The following NHLRC2 variants were observed in gnomAD, a reference collection of about 807,000 sequenced individuals.
The protein encoded by NHLRC2 is NHL repeat-containing protein 2.
Under a neutral mutation model 68.1 loss-of-function variants are expected in NHLRC2, and 33 were observed. That is an observed-to-expected ratio of 0.48 (90% CI 0.37 to 0.65). The LOEUF is 0.65. NHLRC2 is among the 30% of genes least tolerant of loss of function. The pLI is 0.00. For synonymous variants in NHLRC2, 311 were observed against 309.6 expected (o/e 1.00, Z -0.05); for missense variants, 761 against 853.8 (o/e 0.89, Z 1.35).
chr10:113,912,713 G>A lies in NHLRC2; in HGVS notation c.*4177G>A, dbSNP rs1846340855. On this transcript the variant is annotated 3_prime_UTR_variant, in exon 11 of 11. Transcript: ENST00000369301. ...TCAAATAACCTTATAAATCGGGCAG[G>A]TAGATGTTAGTTTACAGAGGAGGAG... 6.6e-6 allele frequency: 1 copy of A among 152,202 alleles called. No individual in the cohort carries two copies. The highest frequency in any genetic ancestry group is 6.5e-5 in the Admixed American group (1 of 15,278). 9.4% of individuals were successfully genotyped at this position (152,202 alleles called of 1,614,324 possible).
At position 113,902,629 on chromosome 10, in the gene NHLRC2, T is replaced by C. The variant is rs200395053; in HGVS notation, c.1494+36T>C. 656 of 1,580,440 alleles carry C rather than the reference T, an allele frequency of 4.2e-4. 3 individuals are homozygous for C. The highest frequency in any genetic ancestry group is 2.7e-3 in the Middle Eastern group (16 of 5,974). The stretch of plus-strand genomic sequence containing the variant: ...ACAGAATTATATAATATCTTGCTTT[T>C]TGTGTGTGGCATTTAAAATGCTGAA... On this transcript the variant is annotated intron_variant, in intron 8 of 10. Transcript: ENST00000369301.
intron 2 of NHLRC2, among the ~76,000 whole-genome samples, chr10:113,870,140 T>G (rs182858710): frequency 6.6e-6 from 1 of 152,176 alleles, no homozygotes; most frequent in Non-Finnish European, 1.5e-5. Flanking sequence ...CCTTCCCACT[T>G]CTCAGCTTCC....
chr10:113,888,478 C>CT lies in NHLRC2; in HGVS notation c.1039+4099dup, dbSNP rs200966630. Among the ~76,000 whole-genome samples the CT allele has an allele frequency of 2.0e-5, 3 of 152,068 alleles. No homozygotes were observed. The East Asian group carries it at 5.8e-4, about 29-fold the overall frequency. On this transcript the variant is annotated intron_variant, in intron 5 of 10. Transcript: ENST00000369301. ...ATTTGAAAAAGATGTAGGAAAGGGACTAGAAATATCTCATTATTTTAAATC... is the reference window on the plus strand; with the variant it reads ...ATTTGAAAAAGATGTAGGAAAGGGACTTAGAAATATCTCATTATTTTAAATC...
rs199985793 is a variant in NHLRC2, at chr10:113,876,587, A to C, written c.398A>C (p.Lys133Thr). The C allele has an allele frequency of 6.2e-7, 1 of 1,613,716 alleles. No individual in the cohort carries two copies. The highest frequency in any genetic ancestry group is 2.2e-5 in the East Asian group (1 of 44,868). The change falls in exon 3 of 11, where the codon AAG becomes ACG. Residue 133 changes from lysine to threonine, a missense_variant. Transcript: ENST00000369301. ...AATGAAAAAGTCCTGGATAACATTA[A>C]GAGTGCTGTTCTTCGATACAACATC... ...FPNEKVLDNI[K>T]SAVLRYNITH...
chr10:113,902,701 G>A lies in NHLRC2; in HGVS notation c.1494+108G>A, dbSNP rs1246414455. On this transcript the variant is annotated intron_variant, in intron 8 of 10. Coordinates refer to ENST00000369301, the MANE Select transcript of NHLRC2 (RefSeq NM_198514.4). ...CTGCCACTCTAAAATATAGAAAGGA[G>A]TAACAGTCTTTGACAACTATAACCC... The A allele has an allele frequency of 4.4e-5, 43 of 967,340 alleles. No individual in the cohort carries two copies. The East Asian group carries it at 7.8e-4, about 18-fold the overall frequency. 59.9% of individuals were successfully genotyped at this position (967,340 alleles called of 1,614,324 possible).
intron 2 of NHLRC2, among the ~76,000 whole-genome samples, chr10:113,861,250 A>G (rs192277605): frequency 2.1e-3 from 313 of 152,350 alleles, no homozygotes; most frequent in Admixed American, 4.6e-3. Context: ...GGCAGAGAAT[A>G]TTTGAAGAAA....
rs186885697 is a variant in NHLRC2 at position 113,862,019 on chromosome 10, C to T, written c.331+3339C>T. ...TCCCAAGTAGCTGGGATTACAGGTG[C>T]CTGCGACCACGCCCAGCTACTTTTT... On this transcript the variant is annotated intron_variant, in intron 2 of 10. Transcript: ENST00000369301. Among the ~76,000 whole-genome samples the T allele has an allele frequency of 2.4e-4, 36 of 151,976 alleles. 1 individual carries two copies. The East Asian group carries it at 5.2e-3, about 22-fold the overall frequency.
chr10:113,908,438 G>T lies in NHLRC2; in HGVS notation c.2083G>T (p.Ala695Ser). The T allele has an allele frequency of 6.2e-7, 1 of 1,613,932 alleles. No individual in the cohort carries two copies. Among genetic ancestry groups the T allele is most frequent in the Non-Finnish European group, 8.5e-7 (1 of 1,179,812 alleles). ...TTATTACTGTAGTGCAGACAGCAGT[G>T]CTTGTATGATGAAGGCAATTTTGTT... ...FLYYCSADSS[A>S]CMMKAILFSQ... Residue 695 changes from alanine (A) to serine (S), a missense_variant, in exon 11 of 11, where the codon GCT (alanine) becomes TCT (serine). Physicochemically the swap from Ala to Ser is moderately conservative, Grantham distance 99. Coordinates refer to ENST00000369301, the MANE Select transcript of NHLRC2 (RefSeq NM_198514.4).
chr10:113,904,690 A>G (rs1461011333), intron 9 of NHLRC2, 127 bp from the exon 10 acceptor site: 2 of 697,154 alleles, frequency 2.9e-6, no homozygotes, highest in African/African-American at 1.8e-5. Flanking sequence ...TTCTAATTCA[A>G]ACTAGAATGG....
chr10:113,883,706 T>A (rs1846056344), intron 4 of NHLRC2, among the ~76,000 whole-genome samples: 2 of 151,944 alleles, frequency 1.3e-5, no homozygotes, highest in Non-Finnish European at 2.9e-5. Context: ...AGGTCCCAGA[T>A]TCTTGACTTA....
In NHLRC2 at chr10:113,884,250, G is replaced by A. The variant is rs774181779; in HGVS notation, c.910-1G>A. 6.2e-7 allele frequency: 1 copy of A among 1,606,764 alleles called. No homozygotes were observed. The highest frequency in any genetic ancestry group is 8.5e-7 in the Non-Finnish European group (1 of 1,175,620). On this transcript the variant is annotated splice_acceptor_variant, in intron 4 of 10. Coordinates refer to ENST00000369301, the MANE Select transcript of NHLRC2 (RefSeq NM_198514.4). LOFTEE classifies it high-confidence loss of function. ...TAAAACCATCCTTTGAATTTCTATA[G>A]ATTGACCTAGAAGCTGAGAAGGTGA...
At chr10:113,861,806 T>C (rs1845818657) in intron 2 of NHLRC2, among the ~76,000 whole-genome samples, 2 of 152,156 alleles carry the variant, frequency 1.3e-5, no homozygotes. Context: ...TTCTACATGA[T>C]TTAAGAGACT....
At chr10:113,856,234 T>C (rs1351365444) in intron 1 of NHLRC2, among the ~76,000 whole-genome samples, 2 of 152,208 alleles carry the variant, frequency 1.3e-5, no homozygotes, top group Non-Finnish European at 2.9e-5. Context: ...CTTTGCCTGA[T>C]GGTGCTGGCA....
chr10:113,897,712 A>G (rs1846188856), intron 5 of NHLRC2, among the ~76,000 whole-genome samples: 2 of 152,246 alleles, frequency 1.3e-5, no homozygotes, highest in African/African-American at 4.8e-5. Context: ...GTGATTAAGC[A>G]GAGACAGTCC....
intron 5 of NHLRC2, among the ~76,000 whole-genome samples, chr10:113,885,035 A>G (rs927215382): frequency 6.6e-6 from 1 of 151,830 alleles, no homozygotes; most frequent in Admixed American, 6.6e-5. Flanking sequence ...CATGTCTAAA[A>G]TTGGATTGAT....
intron 1 of NHLRC2, among the ~76,000 whole-genome samples, chr10:113,855,626 C>A (rs1845743871): frequency 6.6e-6 from 1 of 151,164 alleles, no homozygotes; most frequent in Admixed American, 6.6e-5. Flanking sequence ...CGCCACCACG[C>A]CTGGCTAGTT....
intron 2 of NHLRC2, among the ~76,000 whole-genome samples, chr10:113,862,286 G>A (rs549640748): frequency 6.6e-6 from 1 of 152,148 alleles, no homozygotes; most frequent in East Asian, 1.9e-4. Context: ...CAACTGAAAG[G>A]GATGGGATGG....
At chr10:113,871,909 A>G (rs1369676125) in intron 2 of NHLRC2, among the ~76,000 whole-genome samples, 6 of 152,194 alleles carry the variant, frequency 3.9e-5, no homozygotes, top group African/African-American at 1.4e-4. Context: ...AATTCCCATA[A>G]AGGTTCTATT....
At chr10:113,884,159 A>G in intron 4 of NHLRC2, 92 bp from the exon 5 acceptor site, 1 of 1,172,424 alleles carries the variant, frequency 8.5e-7, no homozygotes, top group Non-Finnish European at 1.2e-6. Context: ...TACACTCTAA[A>G]TGTTCTATTG....
Sources: allele counts gnomAD v4.1 joint callset (sites outside exome capture counted in the v4.1 genomes callset), GRCh38; gene constraint gnomAD v4.1.1; transcripts MANE v1.5; gene names NCBI Gene and HGNC (gene_info 2026-07-23, HGNC 2026-07-21).